The following PALS1 variants were observed in gnomAD, a reference collection of about 807,000 sequenced individuals.
PALS1 encodes the protein protein associated with LIN7 1, MAGUK p55 family member.
In PALS1, 31 loss-of-function variants were observed where a neutral mutation model predicts 78.9. The observed-to-expected ratio is 0.39, with a 90% confidence interval of 0.30 to 0.53. The LOEUF (loss-of-function observed/expected upper bound fraction) is 0.53, where lower values mean the gene tolerates loss of function less well. Among genes scored for constraint, PALS1 ranks in the 20% least tolerant of loss-of-function variants. PALS1 has a pLI of 0.67. For synonymous variants in PALS1, 276 were observed against 270.9 expected, an observed-to-expected ratio of 1.02 and a Z score of -0.18; for missense variants, 704 against 826.5, an observed-to-expected ratio of 0.85 and a Z score of 1.82.
Position 67,332,934 on chromosome 14 carries a change from T to C in PALS1, c.2006T>C (p.Val669Ala). The C allele has an allele frequency of 6.2e-7, 1 of 1,609,228 alleles. No individual in the cohort carries two copies. The highest frequency in any genetic ancestry group is 8.5e-7 in the Non-Finnish European group (1 of 1,176,150). Residue 669 changes from valine (V) to alanine (A), a missense_variant, in exon 15 of 15, where the codon GTA (valine) becomes GCA (alanine). Val to Ala is a moderately conservative substitution (Grantham distance 64). Coordinates refer to ENST00000261681, the MANE Select transcript of PALS1 (RefSeq NM_022474.4). ...INKLDTEPQW[V>A]PSTWLR ...AAACTTGATACTGAACCTCAGTGGGTACCATCCACTTGGCTGAGGTGAAAG... is the reference window on the plus strand; with the variant it reads ...AAACTTGATACTGAACCTCAGTGGGCACCATCCACTTGGCTGAGGTGAAAG...
At chr14:67,278,331 C>T (rs981800798) in intron 2 of PALS1, among the ~76,000 whole-genome samples, 3 of 150,500 alleles carry the variant, frequency 2.0e-5, no homozygotes, top group African/African-American at 7.4e-5. Flanking sequence ...CCACTGCACC[C>T]GGCCCAATTC....
chr14:67,323,106 T>C (rs1187131772), intron 13 of PALS1, among the ~76,000 whole-genome samples: 1 of 152,146 alleles, frequency 6.6e-6, no homozygotes, highest in African/African-American at 2.4e-5. Context: ...GGTGTTTTAA[T>C]ATCACATAGT....
chr14:67,243,802 A>AT (rs2083942767), intron 1 of PALS1, among the ~76,000 whole-genome samples: 1 of 151,976 alleles, frequency 6.6e-6, no homozygotes, highest in African/African-American at 2.4e-5. Flanking sequence ...AGCCCTTATG[A>AT]TTTTTGATCA....
In PALS1 at chr14:67,302,085, A is replaced by G. The variant is rs188452598; in HGVS notation, c.768A>G (p.Ile256Met). Residue 256 changes from isoleucine to methionine, a missense_variant, in exon 6 of 15, where the codon ATA becomes ATG. Coordinates refer to ENST00000261681, the MANE Select transcript of PALS1 (RefSeq NM_022474.4). ...IGQYGGETVK[I>M]VRIEKARDIP... Reference sequence around the variant, plus strand: ...AGTATGGAGGAGAAACTGTAAAAATAGTTCGTATAGAAAAGGCTCGTGATA... The same window carrying G: ...AGTATGGAGGAGAAACTGTAAAAATGGTTCGTATAGAAAAGGCTCGTGATA... The G allele has an allele frequency of 6.2e-7, 1 of 1,607,788 alleles. No individual in the cohort carries two copies. Among genetic ancestry groups the G allele is most frequent in the Admixed American group, 1.7e-5 (1 of 58,964 alleles).
At chr14:67,241,599 C>T in intron 1 of PALS1, 66 bp downstream of exon 1, 1 of 149,462 alleles carries the variant, frequency 6.7e-6, no homozygotes, top group Non-Finnish European at 1.5e-5. Flanking sequence ...GGGAGCGCGG[C>T]GGGGGAGGGG....
chr14:67,332,103 G>C (rs1236815291), intron 14 of PALS1, among the ~76,000 whole-genome samples: 2 of 152,206 alleles, frequency 1.3e-5, no homozygotes, highest in Admixed American at 1.3e-4. Context: ...TTTGTCTTGA[G>C]TTTAAGTTAG....
chr14:67,324,071 C>G (rs1254607995), intron 14 of PALS1, among the ~76,000 whole-genome samples: 2 of 152,182 alleles, frequency 1.3e-5, no homozygotes, highest in Non-Finnish European at 2.9e-5. Context: ...GATGTGACTG[C>G]CACCAAAGTT....
At chr14:67,305,618 T>C (rs1249348321) in intron 8 of PALS1, among the ~76,000 whole-genome samples, 1 of 152,230 alleles carries the variant, frequency 6.6e-6, no homozygotes, top group Admixed American at 6.5e-5. Flanking sequence ...CTGCTATTCA[T>C]GCAGAATCTG....
Position 67,278,790 on chromosome 14 carries a change from A to G in PALS1, c.-153-228A>G, listed in dbSNP as rs1595579555. ...ATTGTATATCATTTTTCTTAGCTTT[A>G]AAATTGAATAGTATGTTTCACATTT... On this transcript the variant is annotated intron_variant, in intron 2 of 14. Coordinates refer to ENST00000261681, the MANE Select transcript of PALS1 (RefSeq NM_022474.4). Among the ~76,000 whole-genome samples the G allele has an allele frequency of 2.0e-5, 3 of 152,324 alleles. No individual in the cohort carries two copies. In the East Asian group the frequency reaches 5.8e-4, roughly 29 times the overall value.
At chr14:67,295,092 T>C (rs1412736047) in intron 4 of PALS1, 1 of 146,414 alleles carries the variant, frequency 6.8e-6, no homozygotes, top group Non-Finnish European at 1.5e-5. Context: ...GTATTTGATT[T>C]TGAGATATTG....
rs548589381 is a variant in PALS1 at position 67,287,700 on chromosome 14, A to G, written c.368-4811A>G. Among the ~76,000 whole-genome samples the G allele has an allele frequency of 1.2e-3, 187 of 152,338 alleles. 2 individuals carry two copies. The highest frequency in any genetic ancestry group is 1.7e-3 in the Non-Finnish European group (114 of 68,034). Reference sequence around the variant, plus strand: ...TCTGATTAATAATTTTATCCTAGAAATTTATTCTAAGGAATTGGAAAATAG... The same window carrying G: ...TCTGATTAATAATTTTATCCTAGAAGTTTATTCTAAGGAATTGGAAAATAG... On this transcript the variant is annotated intron_variant, in intron 3 of 14. Coordinates refer to ENST00000261681, the MANE Select transcript of PALS1 (RefSeq NM_022474.4).
At chr14:67,294,434 TC>T (rs979070270) in intron 4 of PALS1, 1 of 151,464 alleles carries the variant, frequency 6.6e-6, no homozygotes, top group African/African-American at 2.4e-5. Context: ...CCAATCCAAC[TC>T]CCCTGTTTCA....
intron 2 of PALS1, among the ~76,000 whole-genome samples, chr14:67,275,366 T>C (rs549965731): frequency 6.6e-6 from 1 of 152,366 alleles, no homozygotes; most frequent in African/African-American, 2.4e-5. Context: ...TTTCTGCATC[T>C]ATTGAGATAA....
At chr14:67,330,287 C>A (rs900395563) in intron 14 of PALS1, among the ~76,000 whole-genome samples, 17 of 151,410 alleles carry the variant, frequency 1.1e-4, no homozygotes, top group Non-Finnish European at 1.8e-4. Flanking sequence ...ATAATTTGCA[C>A]TTGCTTTAGT....
In PALS1 at chr14:67,267,618, A is replaced by C. The variant is rs926656049; in HGVS notation, c.-236-2083A>C. Among the ~76,000 whole-genome samples, 3 of 152,320 alleles carry C rather than the reference A, an allele frequency of 2.0e-5. No homozygotes were observed. In the East Asian group the frequency reaches 5.8e-4, roughly 29 times the overall value. On this transcript the variant is annotated intron_variant, in intron 1 of 14. Coordinates refer to ENST00000261681, the MANE Select transcript of PALS1 (RefSeq NM_022474.4). ...ACGGGTTTATTGAGGTATAATTTAT[A>C]TTTTATAAGATTTAGGTTTTATGGG...
Position 67,335,463 on chromosome 14 carries a change from G to A in PALS1, c.*2507G>A, listed in dbSNP as rs2085516163. 1.3e-5 allele frequency: 2 copies of A among 152,640 alleles called. No individual in the cohort carries two copies. The highest frequency in any genetic ancestry group is 4.8e-5 in the African/African-American group (2 of 41,572). 9.5% of individuals were successfully genotyped at this position (152,640 alleles called of 1,614,324 possible). ...GTACTTGGAAAATCCAAATAAGGAA[G>A]TTTTAGGTTGGTGCATAACTTTGTT... On this transcript the variant is annotated 3_prime_UTR_variant, in exon 15 of 15. Transcript: ENST00000261681.
intron 6 of PALS1, 74 bp from the exon 7 acceptor site, chr14:67,302,336 T>C (rs1017953729): frequency 3.0e-5 from 36 of 1,211,750 alleles, no homozygotes; most frequent in Admixed American, 1.0e-4. Flanking sequence ...ATGGAAAAAA[T>C]AGAATTTAAA....
intron 14 of PALS1, among the ~76,000 whole-genome samples, chr14:67,329,323 AT>A (rs2085405633): frequency 6.6e-6 from 1 of 152,150 alleles, no homozygotes; most frequent in Non-Finnish European, 1.5e-5. Context: ...CTGCACATTG[AT>A]TTTGTATCCT....
intron 14 of PALS1, among the ~76,000 whole-genome samples, chr14:67,329,655 C>G (rs892504172): frequency 6.6e-6 from 1 of 151,740 alleles, no homozygotes; most frequent in African/African-American, 2.4e-5. Flanking sequence ...ACGGCGGACG[C>G]ATCACTTGAG....
Sources: gnomAD v4.1 joint callset for allele counts (sites outside exome capture counted in the v4.1 genomes callset) on GRCh38, gnomAD v4.1.1 for gene constraint, MANE v1.5 for transcripts, NCBI Gene and HGNC (gene_info 2026-07-23, HGNC 2026-07-21) for gene names.